PCDHGA1: variants seen among roughly 807,000 people sequenced by gnomAD.
PCDHGA1 encodes the protein protocadherin gamma-A1.
A neutral mutation model predicts 58.0 loss-of-function variants in PCDHGA1; 32 were observed. The ratio of observed to expected loss-of-function variants is 0.55; its 90% CI spans 0.42 to 0.74. The LOEUF (loss-of-function observed/expected upper bound fraction) is 0.74. PCDHGA1 is among the 30% of genes least tolerant of loss of function. The pLI is 0.00. For missense variants in PCDHGA1, 1,205 were observed against 1,182.3 expected (o/e 1.02, Z -0.28); for synonymous variants, 498 against 501.1 (o/e 0.99, Z 0.08).
Position 141,485,117 on chromosome 5 carries a change from G to A in PCDHGA1, c.2422-9690G>A. The A allele has an allele frequency of 3.0e-6, 4 of 1,326,200 alleles. No homozygotes were observed. The highest frequency in any genetic ancestry group is 4.3e-6 in the Non-Finnish European group (4 of 933,470). 82.2% of individuals were successfully genotyped at this position (1,326,200 alleles called of 1,614,324 possible). On this transcript the variant is annotated intron_variant, in intron 1 of 3. Transcript: ENST00000517417. The surrounding 1 kb of genome is among the most constrained non-coding windows in gnomAD (Gnocchi z 5.7). ...GTCTCCAGCTGCTGTGGCTGTTTGG[G>A]GCGGGTCGGCTTCATCCGCGTCTCA...
rs990493129 is a variant in PCDHGA1 at position 141,449,560 on chromosome 5, G to C, written c.2422-45247G>C. On this transcript the variant is annotated intron_variant, in intron 1 of 3. Coordinates refer to ENST00000517417, the MANE Select transcript of PCDHGA1 (RefSeq NM_018912.3). ...GCCGAGATCGCACCACTGCACTCCA[G>C]CCTGGGCGACAGAGCAAGACTCTGT... Among the ~76,000 whole-genome samples, 4 of 145,056 alleles carry C rather than the reference G, an allele frequency of 2.8e-5. No homozygotes were observed. The Admixed American group carries it at 2.8e-4, about 10-fold the overall frequency.
intron 1 of PCDHGA1, chr5:141,394,283 T>A: frequency 6.2e-7 from 1 of 1,613,956 alleles, no homozygotes; most frequent in Non-Finnish European, 8.5e-7. Flanking sequence ...TCACTTACTC[T>A]GTGACCGAGG....
intron 1 of PCDHGA1, among the ~76,000 whole-genome samples, chr5:141,429,377 G>GTT (rs566693637): frequency 2.2e-4 from 33 of 149,524 alleles, no homozygotes; most frequent in South Asian, 1.5e-3. Context: ...GAGAAAATGT[G>GTT]TTTTTTTTTT....
chr5:141,362,655 T>A, intron 1 of PCDHGA1: 1 of 1,397,228 alleles, frequency 7.2e-7, no homozygotes, highest in Non-Finnish European at 9.5e-7. Context: ...GAGTTAGATT[T>A]GGCCAATGTT....
chr5:141,338,291 C>T (rs1267804770), intron 1 of PCDHGA1, among the ~76,000 whole-genome samples: 1 of 152,192 alleles, frequency 6.6e-6, no homozygotes, highest in Non-Finnish European at 1.5e-5. Flanking sequence ...GGCACATGTA[C>T]CCAATTAAGT....
Position 141,375,441 on chromosome 5 carries a change from C to T in PCDHGA1, c.2421+42336C>T, listed in dbSNP as rs904228732. 4.3e-6 allele frequency: 7 copies of T among 1,613,912 alleles called. No individual in the cohort carries two copies. The highest frequency in any genetic ancestry group is 1.7e-5 in the Admixed American group (1 of 60,012). ...ACCAACGACAACCCGCCCACCTTCC[C>T]CCATTCATCCTACTCAGTCTATGTC... is the stretch of plus-strand genomic sequence containing the variant. On this transcript the variant is annotated intron_variant, in intron 1 of 3. Transcript: ENST00000517417.
chr5:141,413,760 C>G (rs778067298), intron 1 of PCDHGA1: 2 of 1,613,250 alleles, frequency 1.2e-6, no homozygotes, highest in African/African-American at 2.7e-5. Context: ...GCGTCAAGTA[C>G]CCGGAGCTGG....
chr5:141,404,555 A>G (rs751841732), intron 1 of PCDHGA1: 1 of 1,613,802 alleles, frequency 6.2e-7, no homozygotes, highest in African/African-American at 1.3e-5. Flanking sequence ...GGTGACGGCA[A>G]GTGACAGTGG....
chr5:141,486,091 G>T lies in PCDHGA1; in HGVS notation c.2422-8716G>T. ...CTACTGGAAAGCTTACTCTTTTGGG[G>T]CCCCTAGACTTTGAGAGTGAGAATT... On this transcript the variant is annotated intron_variant, in intron 1 of 3. Coordinates refer to ENST00000517417, the MANE Select transcript of PCDHGA1 (RefSeq NM_018912.3). This position sits in a 1 kb window ranked among gnomAD's most constrained non-coding sequence, Gnocchi z 5.0. 1 of 1,614,158 alleles carries T rather than the reference G, an allele frequency of 6.2e-7. No homozygotes were observed. Among genetic ancestry groups the T allele is most frequent in the South Asian group, 1.1e-5 (1 of 91,078 alleles).
At chr5:141,473,450 T>A (rs2099322542) in intron 1 of PCDHGA1, among the ~76,000 whole-genome samples, 2 of 152,150 alleles carry the variant, frequency 1.3e-5, no homozygotes, top group South Asian at 4.1e-4. Flanking sequence ...AAAATAATTA[T>A]AAAATTTAAA....
In PCDHGA1 at chr5:141,491,893, G is replaced by C. The variant is rs2099734820; in HGVS notation, c.2422-2914G>C. The C allele has an allele frequency of 6.9e-7, 1 of 1,438,856 alleles. No individual in the cohort carries two copies. The highest frequency in any genetic ancestry group is 9.2e-7 in the Non-Finnish European group (1 of 1,088,104). 89.1% of individuals were successfully genotyped at this position (1,438,856 alleles called of 1,614,324 possible). A position where few individuals can be genotyped will look rare whatever the true frequency, so the allele number is the denominator to read the frequency against. ...GGCCGATTAAGGGATGGGGCTCCGA[G>C]CACCGGGGGTGGTGGCGACTGTGGG... On this transcript the variant is annotated intron_variant, in intron 1 of 3. Coordinates refer to ENST00000517417, the MANE Select transcript of PCDHGA1 (RefSeq NM_018912.3). The surrounding 1 kb of genome is among the most constrained non-coding windows in gnomAD (Gnocchi z 6.9).
chr5:141,443,254 G>A (rs185181143), intron 1 of PCDHGA1, among the ~76,000 whole-genome samples: 30 of 152,006 alleles, frequency 2.0e-4, no homozygotes, highest in Admixed American at 1.6e-3. Context: ...GCCAAGGCGG[G>A]TGGATCACTT....
At chr5:141,343,311 CTG>C (rs1588455735) in intron 1 of PCDHGA1, 27 of 975,240 alleles carry the variant, frequency 2.8e-5, no homozygotes, top group Non-Finnish European at 3.3e-5. Context: ...TGGCTGATTT[CTG>C]TGTGTTTCTT....
chr5:141,463,535 G>A (rs1178825067), intron 1 of PCDHGA1, among the ~76,000 whole-genome samples: 4 of 137,928 alleles, frequency 2.9e-5, no homozygotes, highest in East Asian at 2.3e-4. Context: ...TAGAAACTCC[G>A]GCTCCCGGGT....
chr5:141,392,970 G>A (rs2092639280), intron 1 of PCDHGA1: 1 of 1,613,778 alleles, frequency 6.2e-7, no homozygotes, highest in Non-Finnish European at 8.5e-7. Flanking sequence ...CAAGGACCTG[G>A]GGCTGGACCC....
chr5:141,428,307 C>A, intron 1 of PCDHGA1: 1 of 688,030 alleles, frequency 1.5e-6, no homozygotes, highest in South Asian at 1.6e-5. Flanking sequence ...TTTACCTGGT[C>A]GTGGCCTTGG....
At chr5:141,458,100 A>AT (rs2098937418) in intron 1 of PCDHGA1, among the ~76,000 whole-genome samples, 1 of 152,252 alleles carries the variant, frequency 6.6e-6, no homozygotes, top group Non-Finnish European at 1.5e-5. Context: ...GAGTACTTAC[A>AT]GATAGTCTCC....
At chr5:141,396,944 G>A (rs983363091) in intron 1 of PCDHGA1, among the ~76,000 whole-genome samples, 1 of 152,166 alleles carries the variant, frequency 6.6e-6, no homozygotes, top group African/African-American at 2.4e-5. Context: ...GCCCTGGTAG[G>A]AAAGAAAATC....
chr5:141,410,623 G>T, intron 1 of PCDHGA1: 2 of 1,603,052 alleles, frequency 1.2e-6, no homozygotes, highest in Non-Finnish European at 1.7e-6. Context: ...TGACTTCGGT[G>T]AGTTTCTCTT....
Sources: gnomAD v4.1 joint callset for allele counts (sites outside exome capture counted in the v4.1 genomes callset) on GRCh38, gnomAD v4.1.1 for gene constraint, Gnocchi (gnomAD v3.1) non-coding constraint, MANE v1.5 for transcripts, NCBI Gene and HGNC (gene_info 2026-07-23, HGNC 2026-07-21) for gene names.